The following SPAG16 variants were observed in gnomAD, a reference collection of about 807,000 sequenced individuals.
The protein encoded by SPAG16 is sperm associated antigen 16.
SPAG16 carries 86 observed loss-of-function variants against 80.4 expected under a neutral mutation model. That is an observed-to-expected ratio of 1.07 (90% CI 0.90 to 1.28). SPAG16 has a LOEUF of 1.28. Among genes scored for constraint, SPAG16 ranks in the 50% most tolerant of loss-of-function variants. The pLI, the probability that SPAG16 is intolerant of heterozygous loss-of-function variation, is 0.00. For synonymous variants in SPAG16, 294 were observed against 265.9 expected (o/e 1.11, Z -1.03); for missense variants, 870 against 765.3 (o/e 1.14, Z -1.61).
chr2:213,532,284 A>G (rs971266502), intron 10 of SPAG16, among the ~76,000 whole-genome samples: 2 of 152,166 alleles, frequency 1.3e-5, no homozygotes, highest in African/African-American at 4.8e-5. Context: ...ATCTTTAGAA[A>G]ACATTTATTG....
At chr2:213,329,486 A>G (rs2063992943) in intron 5 of SPAG16, among the ~76,000 whole-genome samples, 1 of 152,208 alleles carries the variant, frequency 6.6e-6, no homozygotes, top group African/African-American at 2.4e-5. Context: ...AGATTTGTGG[A>G]ACTTTGCACT....
At chr2:214,308,401 T>G (rs565247177) in intron 15 of SPAG16, among the ~76,000 whole-genome samples, 1 of 152,296 alleles carries the variant, frequency 6.6e-6, no homozygotes, top group South Asian at 2.1e-4. Flanking sequence ...AAGGTTAGTA[T>G]TGGTATGTGT....
At chr2:213,826,717 C>G (rs2073326154) in intron 10 of SPAG16, among the ~76,000 whole-genome samples, 1 of 151,902 alleles carries the variant, frequency 6.6e-6, no homozygotes, top group Admixed American at 6.6e-5. Flanking sequence ...TATTCTGCAG[C>G]TGTTGCATGA....
intron 11 of SPAG16, among the ~76,000 whole-genome samples, chr2:213,869,288 T>TAA: frequency 8.8e-6 from 1 of 113,460 alleles, no homozygotes; most frequent in Non-Finnish European, 2.0e-5. Flanking sequence ...TATGTATATA[T>TAA]ATATGTATAT....
intron 10 of SPAG16, among the ~76,000 whole-genome samples, chr2:213,732,781 T>C (rs543109595): frequency 1.3e-5 from 2 of 152,322 alleles, no homozygotes; most frequent in East Asian, 3.9e-4. Flanking sequence ...TCCTTGAAGA[T>C]AAGCACTTAG....
chr2:213,825,709 T>C (rs1399392669), intron 10 of SPAG16, among the ~76,000 whole-genome samples: 11 of 145,170 alleles, frequency 7.6e-5, no homozygotes, highest in Non-Finnish European at 1.5e-4. Context: ...TTCTTTTTTT[T>C]TTTTTTTTTT....
intron 14 of SPAG16, among the ~76,000 whole-genome samples, chr2:214,148,747 C>CATATATCAT (rs2055795748): frequency 6.6e-6 from 1 of 151,928 alleles, no homozygotes; most frequent in African/African-American, 2.4e-5. Flanking sequence ...TTATGTGTCA[C>CATATATCAT]ATATATCATA....
chr2:213,833,521 AAT>A (rs35418877), intron 10 of SPAG16, among the ~76,000 whole-genome samples: 3 of 1,872 alleles, frequency 1.6e-3, no homozygotes, highest in Admixed American at 0.017. Context: ...TAATATATAT[AAT>A]ATATATATTA....
chr2:214,240,622 T>A (rs546315297), intron 15 of SPAG16: 12 of 152,320 alleles, frequency 7.9e-5, no homozygotes, highest in African/African-American at 2.9e-4. Context: ...ATAAATTCTC[T>A]AAAGATTCAT....
At chr2:213,991,516 T>C (rs913011275) in intron 12 of SPAG16, among the ~76,000 whole-genome samples, 2 of 152,126 alleles carry the variant, frequency 1.3e-5, no homozygotes, top group African/African-American at 4.8e-5. Context: ...TGGTTTGGCA[T>C]CCTCACATTC....
At chr2:213,677,095 C>A (rs1350530992) in intron 10 of SPAG16, among the ~76,000 whole-genome samples, 1 of 151,994 alleles carries the variant, frequency 6.6e-6, no homozygotes, top group Non-Finnish European at 1.5e-5. Flanking sequence ...TCAACTTCTT[C>A]CTGGTTTAGT....
At chr2:213,736,732 T>G (rs1435016130) in intron 10 of SPAG16, among the ~76,000 whole-genome samples, 1 of 150,174 alleles carries the variant, frequency 6.7e-6, no homozygotes, top group Non-Finnish European at 1.5e-5. Flanking sequence ...GAGACAGAGT[T>G]TCACTTTTGT....
rs560471187 is a variant in SPAG16, at chr2:214,003,832, A to G, written c.1401-10119A>G. Reference sequence around the variant, plus strand: ...GTGAACAAAGCTTACTGACAAATGTACGTTCTCTCTAAGACACATCACAGC... The same window carrying G: ...GTGAACAAAGCTTACTGACAAATGTGCGTTCTCTCTAAGACACATCACAGC... On this transcript the variant is annotated intron_variant, in intron 12 of 15. Coordinates refer to ENST00000331683, the MANE Select transcript of SPAG16 (RefSeq NM_024532.5). Among the ~76,000 whole-genome samples, 27 of 152,362 alleles carry G rather than the reference A, an allele frequency of 1.8e-4. 1 individual carries two copies. In the East Asian group the frequency reaches 5.0e-3, roughly 28 times the overall value.
At chr2:214,005,980 CAGAT>C (rs2047009380) in intron 12 of SPAG16, among the ~76,000 whole-genome samples, 1 of 152,072 alleles carries the variant, frequency 6.6e-6, no homozygotes, top group South Asian at 2.1e-4. Flanking sequence ...AATTTTATCT[CAGAT>C]AAACTCATGA....
chr2:213,414,040 C>T (rs2069125722), intron 9 of SPAG16, among the ~76,000 whole-genome samples: 1 of 152,134 alleles, frequency 6.6e-6, no homozygotes, highest in African/African-American at 2.4e-5. Flanking sequence ...GCTAATTGTG[C>T]TTTCCCATTT....
At chr2:213,370,172 A>G (rs1306756341) in intron 8 of SPAG16, among the ~76,000 whole-genome samples, 2 of 152,226 alleles carry the variant, frequency 1.3e-5, no homozygotes. Flanking sequence ...TAACACAACA[A>G]TACAAGCAAT....
intron 10 of SPAG16, among the ~76,000 whole-genome samples, chr2:213,835,142 C>A (rs1377377113): frequency 6.6e-6 from 1 of 152,064 alleles, no homozygotes; most frequent in South Asian, 2.1e-4. Flanking sequence ...ATTTTATCAA[C>A]ACACAGACAC....
chr2:213,858,164 A>T (rs2075259519), intron 10 of SPAG16, among the ~76,000 whole-genome samples: 1 of 152,244 alleles, frequency 6.6e-6, no homozygotes, highest in Non-Finnish European at 1.5e-5. Flanking sequence ...AACATATTTG[A>T]TAAAGATGTT....
chr2:213,990,142 G>A (rs955220788), intron 12 of SPAG16, among the ~76,000 whole-genome samples: 1 of 151,942 alleles, frequency 6.6e-6, no homozygotes, highest in Non-Finnish European at 1.5e-5. Flanking sequence ...TTCAAAATAA[G>A]GGTAATTAGA....
Sources: gnomAD v4.1 joint callset for allele counts (sites outside exome capture counted in the v4.1 genomes callset) on GRCh38, gnomAD v4.1.1 for gene constraint, MANE v1.5 for transcripts, NCBI Gene and HGNC (gene_info 2026-07-23, HGNC 2026-07-21) for gene names.